The following N4BP2 variants were observed in gnomAD, a reference collection of about 807,000 sequenced individuals.
The protein encoded by N4BP2 is NEDD4 binding protein 2, also known as NEDD4-binding protein 2.
N4BP2 carries 91 observed loss-of-function variants against 152.8 expected under a neutral mutation model. The observed-to-expected ratio is 0.60, with a 90% CI of 0.50 to 0.71. N4BP2 has a LOEUF of 0.71. Ranked by LOEUF, N4BP2 falls within the 30% of genes least tolerant of loss-of-function variation. The pLI is 0.00. For missense variants in N4BP2, 1,923 were observed against 2,059.1 expected, an observed-to-expected ratio of 0.93 and a Z score of 1.28; for synonymous variants, 646 against 705.3, an observed-to-expected ratio of 0.92 and a Z score of 1.33.
chr4:40,170,624 G>GGAC, the N4BP2 span, among the ~76,000 whole-genome samples: 1 of 152,090 alleles, frequency 6.6e-6, no homozygotes, highest in Admixed American at 6.5e-5. Flanking sequence ...GGGTGACCAA[G>GGAC]TGAGACCCTG....
At chr4:40,175,338 GAAA>G in the N4BP2 span, among the ~76,000 whole-genome samples, 2,305 of 103,754 alleles carry the variant, frequency 0.022, 61 homozygotes, top group African/African-American at 0.075. Flanking sequence ...GTGAAATATA[GAAA>G]AAAAAAAAAA....
chr4:40,187,309 A>G, the N4BP2 span, among the ~76,000 whole-genome samples: 2 of 152,214 alleles, frequency 1.3e-5, no homozygotes, highest in Non-Finnish European at 2.9e-5. Flanking sequence ...CAAAGCCTAC[A>G]TTCATCCAAA....
intron 1 of N4BP2, among the ~76,000 whole-genome samples, chr4:40,060,638 T>C (rs548069928): frequency 2.0e-5 from 3 of 151,394 alleles, no homozygotes; most frequent in Non-Finnish European, 4.4e-5. Flanking sequence ...GGTCTCCCTC[T>C]GTTGTCCAGG....
intron 5 of N4BP2, 48 bp downstream of exon 5, chr4:40,107,072 G>A (rs773806250): frequency 3.0e-5 from 47 of 1,577,688 alleles, no homozygotes; most frequent in Admixed American, 3.8e-5. Context: ...GTAATACAAA[G>A]AAAAAATTCA....
chr4:40,097,383 A>C lies in N4BP2; in HGVS notation c.43A>C (p.Lys15Gln). ...AAATCTTGGGGGAAATCCTTTTCGGAAGACTGCAAACCCTAAGGAAGTTGT... is the reference window on the plus strand; with the variant it reads ...AAATCTTGGGGGAAATCCTTTTCGGCAGACTGCAAACCCTAAGGAAGTTGT... ...RKNLGGNPFRKTANPKEVVVS... is the reference protein window; with the variant it reads ...RKNLGGNPFRQTANPKEVVVS... The change falls in exon 3 of 18, where the codon AAG (lysine) becomes CAG (glutamine). Residue 15 changes from lysine (K) to glutamine (Q), a missense_variant. Transcript: ENST00000261435. The C allele has an allele frequency of 6.2e-7, 1 of 1,614,064 alleles. No individual in the cohort carries two copies. Among genetic ancestry groups the C allele is most frequent in the Non-Finnish European group, 8.5e-7 (1 of 1,179,950 alleles).
chr4:40,138,587 G>C (rs1212440992), intron 14 of N4BP2, among the ~76,000 whole-genome samples: 2 of 152,162 alleles, frequency 1.3e-5, no homozygotes, highest in Non-Finnish European at 2.9e-5. Flanking sequence ...TGTATATGTA[G>C]TGAGATAGAA....
the N4BP2 span, among the ~76,000 whole-genome samples, chr4:40,187,547 T>C: frequency 6.6e-6 from 1 of 151,974 alleles, no homozygotes; most frequent in Non-Finnish European, 1.5e-5. Flanking sequence ...CTCAAACTCC[T>C]GGGCTCAAGT....
Position 40,097,580 on chromosome 4 carries a change from GT to G in N4BP2, c.229+14del. 2 of 1,562,006 alleles carry G rather than the reference GT, an allele frequency of 1.3e-6. No individual in the cohort carries two copies. Among genetic ancestry groups the G allele is most frequent in the Non-Finnish European group, 8.8e-7 (1 of 1,133,782 alleles). ...AATGTGATTTCAAAGGTGAGAAAAA[GT>G]TTAGTTTGAACCCTGTCCATCTTAT... On this transcript the variant is annotated intron_variant, in intron 3 of 17. Coordinates refer to ENST00000261435, the MANE Select transcript of N4BP2 (RefSeq NM_018177.6).
chr4:40,083,923 T>G (rs1023355087), intron 2 of N4BP2, among the ~76,000 whole-genome samples: 1 of 152,186 alleles, frequency 6.6e-6, no homozygotes, highest in African/African-American at 2.4e-5. Context: ...CAGATGGTAG[T>G]GGTGAAGGTG....
chr4:40,066,165 G>A lies in N4BP2; in HGVS notation c.-211-7290G>A, dbSNP rs188662512. Among the ~76,000 whole-genome samples the A allele has an allele frequency of 6.6e-5, 10 of 152,060 alleles. No homozygotes were observed. The East Asian group carries it at 1.9e-3, about 29-fold the overall frequency. On this transcript the variant is annotated intron_variant, in intron 1 of 17. Coordinates refer to ENST00000261435, the MANE Select transcript of N4BP2 (RefSeq NM_018177.6). ...AGGATGGTGTCAATCCCTTGACCTTGTGATCCACCTGCCTCAGCCTCCCAG... is the reference window on the plus strand; with the variant it reads ...AGGATGGTGTCAATCCCTTGACCTTATGATCCACCTGCCTCAGCCTCCCAG...
At chr4:40,078,516 CT>C (rs869190007) in intron 2 of N4BP2, among the ~76,000 whole-genome samples, 299 of 142,136 alleles carry the variant, frequency 2.1e-3, no homozygotes, top group Middle Eastern at 3.6e-3. Flanking sequence ...AATTAATATC[CT>C]TTTTTTTTTT....
chr4:40,130,108 C>T (rs909849844), intron 12 of N4BP2, among the ~76,000 whole-genome samples: 2 of 151,926 alleles, frequency 1.3e-5, no homozygotes, highest in African/African-American at 2.4e-5. Context: ...TGTGCAGTGG[C>T]GCAATCTCCT....
At chr4:40,183,500 TA>T in the N4BP2 span, among the ~76,000 whole-genome samples, 1 of 152,088 alleles carries the variant, frequency 6.6e-6, no homozygotes, top group Non-Finnish European at 1.5e-5. Flanking sequence ...CGTGCCCAGC[TA>T]ATTTTTTTGT....
intron 1 of N4BP2, among the ~76,000 whole-genome samples, chr4:40,061,209 G>C (rs1012755126): frequency 2.0e-5 from 3 of 151,808 alleles, no homozygotes; most frequent in Non-Finnish European, 4.4e-5. Context: ...TTGCTGTGTT[G>C]CCCAGGCTGG....
chr4:40,080,785 G>A (rs901273249), intron 2 of N4BP2, among the ~76,000 whole-genome samples: 2 of 149,896 alleles, frequency 1.3e-5, no homozygotes, highest in Admixed American at 6.7e-5. Context: ...AGCCTCCCAC[G>A]TAGCTGGGAC....
At chr4:40,079,283 T>G (rs542165282) in intron 2 of N4BP2, among the ~76,000 whole-genome samples, 2 of 152,212 alleles carry the variant, frequency 1.3e-5, no homozygotes, top group South Asian at 4.1e-4. Context: ...TTGTATTTTT[T>G]GTTTATTTAT....
chr4:40,179,786 C>T, the N4BP2 span, among the ~76,000 whole-genome samples: 10 of 105,716 alleles, frequency 9.5e-5, no homozygotes, highest in East Asian at 9.1e-4. Flanking sequence ...TTTTTTGAGA[C>T]GGAGTTTCAC....
At chr4:40,127,283 A>G (rs1579091923) in intron 12 of N4BP2, among the ~76,000 whole-genome samples, 2 of 151,690 alleles carry the variant, frequency 1.3e-5, no homozygotes, top group African/African-American at 4.8e-5. Flanking sequence ...CAATGGTACA[A>G]TAAGGCTCAC....
rs1560613778 is a variant in N4BP2, at chr4:40,120,604, A to G, written c.2493A>G (p.Val831=). 13 of 1,614,212 alleles carry G rather than the reference A, an allele frequency of 8.1e-6. No homozygotes were observed. The highest frequency in any genetic ancestry group is 9.3e-6 in the Non-Finnish European group (11 of 1,180,026). Residue 831 remains valine, a synonymous_variant, in exon 9 of 18, where the codon GTA becomes GTG. Transcript: ENST00000261435. ...YPQSHKLVNS[V]SVNTDCVQQR... is the part of the protein sequence containing the mutation. The stretch of plus-strand genomic sequence containing the variant: ...AGTCACACAAATTAGTTAACAGTGT[A>G]TCTGTGAATACAGATTGTGTCCAGC...
Sources: gnomAD v4.1 joint callset for allele counts (sites outside exome capture counted in the v4.1 genomes callset) on GRCh38, gnomAD v4.1.1 for gene constraint, MANE v1.5 for transcripts, NCBI Gene and HGNC (gene_info 2026-07-23, HGNC 2026-07-21) for gene names.